ATP8A2: variants seen among roughly 807,000 people sequenced by gnomAD.
ATP8A2 encodes the protein ATPase phospholipid transporting 8A2, also known as phospholipid-transporting ATPase IB.
A neutral mutation model predicts 165.6 loss-of-function variants in ATP8A2; 100 were observed. The observed-to-expected ratio is 0.60, with a 90% CI of 0.51 to 0.71. ATP8A2 has a LOEUF of 0.71. Ranked by LOEUF, ATP8A2 falls within the 30% of genes least tolerant of loss-of-function variation. The pLI, the probability that ATP8A2 is intolerant of heterozygous loss-of-function variation, is 0.00. For missense variants in ATP8A2, 1,227 were observed against 1,479.5 expected (o/e 0.83, Z 2.80); for synonymous variants, 543 against 548.8 (o/e 0.99, Z 0.15).
chr13:25,489,695 G>A (rs2036463342), intron 2 of ATP8A2, among the ~76,000 whole-genome samples: 1 of 152,238 alleles, frequency 6.6e-6, no homozygotes, highest in Admixed American at 6.5e-5. Flanking sequence ...TTGGCTTAAT[G>A]TGTTGTTCTC....
chr13:25,853,436 A>G (rs1952069095), intron 30 of ATP8A2, among the ~76,000 whole-genome samples: 1 of 140,794 alleles, frequency 7.1e-6, no homozygotes, highest in African/African-American at 2.6e-5. Flanking sequence ...ATTTCTTATA[A>G]TGTCTAAAAA....
At chr13:25,668,914 A>T (rs1295156617) in intron 24 of ATP8A2, among the ~76,000 whole-genome samples, 1 of 151,966 alleles carries the variant, frequency 6.6e-6, no homozygotes, top group African/African-American at 2.4e-5. Context: ...CTCTTTACTG[A>T]TATTAGCTAT....
intron 30 of ATP8A2, among the ~76,000 whole-genome samples, chr13:25,855,435 G>A (rs1241218026): frequency 6.6e-6 from 1 of 152,132 alleles, no homozygotes. Context: ...CATCCATGTT[G>A]TAGCATGTAT....
intron 30 of ATP8A2, among the ~76,000 whole-genome samples, chr13:25,857,119 C>T: frequency 6.6e-6 from 1 of 152,128 alleles, no homozygotes. Context: ...GACTGTCTGC[C>T]TTCTCCTTTT....
chr13:25,468,433 G>A (rs2035731702), intron 1 of ATP8A2, among the ~76,000 whole-genome samples: 1 of 152,204 alleles, frequency 6.6e-6, no homozygotes, highest in Non-Finnish European at 1.5e-5. Flanking sequence ...TTAGCGTCCA[G>A]AGGTGTGCTT....
chr13:26,009,134 T>C (rs1956795125), intron 35 of ATP8A2, among the ~76,000 whole-genome samples: 1 of 152,236 alleles, frequency 6.6e-6, no homozygotes, highest in Non-Finnish European at 1.5e-5. Flanking sequence ...TATTATTTTA[T>C]TAAAATCTGA....
intron 24 of ATP8A2, among the ~76,000 whole-genome samples, chr13:25,692,203 A>G (rs1015262193): frequency 2.0e-5 from 3 of 152,230 alleles, no homozygotes; most frequent in Non-Finnish European, 2.9e-5. Context: ...CATTATCATT[A>G]GCTACTCACT....
At position 25,589,647 on chromosome 13, in the gene ATP8A2, G is replaced by A. The variant is rs372419009; in HGVS notation, c.2159G>A (p.Arg720Gln). 7.4e-6 allele frequency: 12 copies of A among 1,611,702 alleles called. No individual in the cohort carries two copies. In the Admixed American group the frequency reaches 1.7e-4, roughly 22 times the overall value. The change falls in exon 24 of 37, where the codon CGA (arginine) becomes CAA (glutamine). Residue 720 changes from arginine (R) to glutamine (Q), a missense_variant. By Grantham distance (43) the Arg-to-Gln change is conservative. Around this residue, in one of 5 missense-constraint regions of ATP8A2, gnomAD observed 592 missense variants for 785.6 expected, o/e 0.75. Transcript: ENST00000381655. The part of the protein sequence containing the change: ...ETAINIGYSC[R>Q]LVSQNMALIL... ...TCCTCCACTTCAGGGTATTCCTGCC[G>A]ATTGGTATCGCAGAATATGGCCCTT...
At chr13:25,778,927 G>A (rs551739770) in intron 27 of ATP8A2, among the ~76,000 whole-genome samples, 1 of 152,132 alleles carries the variant, frequency 6.6e-6, no homozygotes, top group Non-Finnish European at 1.5e-5. Context: ...AACACACTGA[G>A]GATTTTGTCT....
At chr13:25,727,858 C>T (rs953794223) in intron 25 of ATP8A2, among the ~76,000 whole-genome samples, 6 of 152,170 alleles carry the variant, frequency 3.9e-5, no homozygotes, top group African/African-American at 1.2e-4. Flanking sequence ...GCGAAATCTA[C>T]ATATGGAAAA....
chr13:25,636,462 T>G (rs758289448), intron 24 of ATP8A2, among the ~76,000 whole-genome samples: 3 of 152,222 alleles, frequency 2.0e-5, no homozygotes, highest in Non-Finnish European at 2.9e-5. Context: ...AAATCACATA[T>G]AGGTTTGTAA....
rs372729066 is a variant in ATP8A2, at chr13:25,578,802, C to G, written c.1783-13C>G. 465 of 1,460,068 alleles carry G rather than the reference C, an allele frequency of 3.2e-4. 4 individuals are homozygous for G. The highest frequency in any genetic ancestry group is 1.6e-3 in the Middle Eastern group (9 of 5,786). 90.4% of individuals were successfully genotyped at this position (1,460,068 alleles called of 1,614,324 possible). On this transcript the variant is annotated splice_polypyrimidine_tract_variant and intron_variant, in intron 20 of 36. Transcript: ENST00000381655. Reference sequence around the variant, plus strand: ...GAAGGCTTTGCCAGTCACAATGTTTCCCTATTTTATAGGATAATGTGATTT... The same window carrying G: ...GAAGGCTTTGCCAGTCACAATGTTTGCCTATTTTATAGGATAATGTGATTT...
intron 27 of ATP8A2, among the ~76,000 whole-genome samples, chr13:25,822,654 G>A (rs943371087): frequency 6.6e-6 from 1 of 152,040 alleles, no homozygotes; most frequent in East Asian, 1.9e-4. Flanking sequence ...TGAAGAAATT[G>A]GGCCTTTGTT....
intron 27 of ATP8A2, among the ~76,000 whole-genome samples, chr13:25,819,873 T>C (rs915123219): frequency 6.6e-6 from 1 of 152,366 alleles, no homozygotes; most frequent in African/African-American, 2.4e-5. Context: ...AACAGATATC[T>C]TTGGTGCCAG....
At chr13:25,549,268 G>A (rs947815196) in intron 10 of ATP8A2, among the ~76,000 whole-genome samples, 47 of 152,014 alleles carry the variant, frequency 3.1e-4, no homozygotes, top group Non-Finnish European at 5.4e-4. Context: ...GACCATCCTG[G>A]CTAACATGGT....
In ATP8A2 at chr13:25,791,215, C is replaced by T. The variant is rs537659874; in HGVS notation, c.2679+16256C>T. Among the ~76,000 whole-genome samples the T allele has an allele frequency of 1.6e-4, 24 of 152,188 alleles. 1 individual carries two copies. The highest frequency in any genetic ancestry group is 5.1e-4 in the African/African-American group (21 of 41,526). On this transcript the variant is annotated intron_variant, in intron 27 of 36. Transcript: ENST00000381655. ...GGATACTATGCAGCCATAAAGAGAA[C>T]GAGATCATGTCCTTTGCAAGACCAT... is the stretch of plus-strand genomic sequence containing the variant.
intron 24 of ATP8A2, among the ~76,000 whole-genome samples, chr13:25,604,423 T>C (rs2040465530): frequency 6.6e-6 from 1 of 152,264 alleles, no homozygotes. Context: ...ACAAAAGAAG[T>C]TTACAGTGAG....
intron 25 of ATP8A2, among the ~76,000 whole-genome samples, chr13:25,731,133 A>AGG (rs2138085564): frequency 1.0e-5 from 1 of 99,094 alleles, no homozygotes; most frequent in African/African-American, 3.6e-5. Context: ...GAAAAGAGAG[A>AGG]GAGAGAGAGA....
At chr13:25,629,866 A>G (rs556648054) in intron 24 of ATP8A2, among the ~76,000 whole-genome samples, 2 of 152,114 alleles carry the variant, frequency 1.3e-5, no homozygotes, top group South Asian at 4.1e-4. Context: ...TATTTTTATT[A>G]TTTTGATATT....
Sources: gnomAD v4.1 joint callset for allele counts (sites outside exome capture counted in the v4.1 genomes callset) on GRCh38, gnomAD v4.1.1 for gene constraint, gnomAD v4.1.1 regional missense constraint, MANE v1.5 for transcripts, NCBI Gene and HGNC (gene_info 2026-07-23, HGNC 2026-07-21) for gene names.